The following TNRC6B variants were observed in gnomAD, a reference collection of about 807,000 sequenced individuals.
TNRC6B encodes trinucleotide repeat-containing gene 6B protein.
In TNRC6B, 52 loss-of-function variants were observed where a neutral mutation model predicts 203.6. The ratio of observed to expected loss-of-function variants is 0.26; its 90% CI spans 0.20 to 0.32. The LOEUF (loss-of-function observed/expected upper bound fraction) is 0.32. Ranked by LOEUF, TNRC6B falls within the 10% of genes least tolerant of loss-of-function variation. TNRC6B has a pLI of 1.00. For synonymous variants in TNRC6B, 838 were observed against 845.7 expected (o/e 0.99, Z 0.16); for missense variants, 1,923 against 2,286.2 (o/e 0.84, Z 3.24).
chr22:40,182,340 G>A (rs2069144572), intron 1 of TNRC6B, among the ~76,000 whole-genome samples: 1 of 152,190 alleles, frequency 6.6e-6, no homozygotes, highest in Non-Finnish European at 1.5e-5. Context: ...AGTGGAACTT[G>A]TTTCTGTCTG....
intron 1 of TNRC6B, among the ~76,000 whole-genome samples, chr22:40,046,156 G>A (rs768911020): frequency 2.6e-5 from 4 of 152,166 alleles, no homozygotes; most frequent in Non-Finnish European, 4.4e-5. Flanking sequence ...ACTAATAGAG[G>A]TTACTTCTCT....
At chr22:40,216,217 G>T (rs1386351797) in intron 1 of TNRC6B, among the ~76,000 whole-genome samples, 2 of 152,114 alleles carry the variant, frequency 1.3e-5, no homozygotes, top group Non-Finnish European at 2.9e-5. Context: ...CAGTTTAATT[G>T]TAACTTCCTG....
intron 1 of TNRC6B, among the ~76,000 whole-genome samples, chr22:40,105,255 AT>A (rs1320109677): frequency 6.6e-6 from 1 of 152,182 alleles, no homozygotes; most frequent in Non-Finnish European, 1.5e-5. Context: ...TTTTGTATTA[AT>A]TTTATTTTTG....
In TNRC6B at chr22:40,281,299, C is replaced by G; in HGVS notation, c.3582+10C>G. ...CTTCGCTGCTAGACAAGTAAGGAGG[C>G]CTCTCAAATTTATAACTGCTTGGCT... On this transcript the variant is annotated intron_variant, in intron 11 of 22. Coordinates refer to ENST00000454349, the MANE Select transcript of TNRC6B (RefSeq NM_001162501.2). The G allele has an allele frequency of 6.5e-7, 1 of 1,534,656 alleles. No homozygotes were observed. The highest frequency in any genetic ancestry group is 8.8e-7 in the Non-Finnish European group (1 of 1,138,608).
intron 1 of TNRC6B, among the ~76,000 whole-genome samples, chr22:40,210,717 T>C (rs899328473): frequency 1.3e-5 from 2 of 152,232 alleles, no homozygotes; most frequent in Non-Finnish European, 2.9e-5. Flanking sequence ...CATTCATTGA[T>C]AACCGTCTTT....
At chr22:40,319,198 A>G (rs989476116) in intron 21 of TNRC6B, among the ~76,000 whole-genome samples, 64 of 152,064 alleles carry the variant, frequency 4.2e-4, no homozygotes, top group African/African-American at 1.5e-3. Context: ...CATAGCTTAA[A>G]AGGTTATAAG....
At chr22:40,106,364 G>A in intron 1 of TNRC6B, 1 of 1,186,172 alleles carries the variant, frequency 8.4e-7, no homozygotes, top group Admixed American at 1.8e-5. Context: ...CCTTCTTGTT[G>A]CCAGCATCTC....
chr22:40,215,677 A>G (rs1269477105), intron 1 of TNRC6B, among the ~76,000 whole-genome samples: 3 of 151,992 alleles, frequency 2.0e-5, no homozygotes, highest in Non-Finnish European at 2.9e-5. Context: ...GGCAGCTCCC[A>G]CCTCTATAGT....
In TNRC6B at chr22:40,333,742, C is replaced by T. The variant is rs2044005630; in HGVS notation, c.*10501C>T. 6.6e-6 allele frequency: 1 copy of T among 152,586 alleles called. No individual in the cohort carries two copies. Among genetic ancestry groups the T allele is most frequent in the South Asian group, 2.1e-4 (1 of 4,830 alleles). 9.5% of individuals were successfully genotyped at this position (152,586 alleles called of 1,614,324 possible). A position where few individuals can be genotyped will look rare whatever the true frequency, so the allele number is the denominator to read the frequency against. On this transcript the variant is annotated 3_prime_UTR_variant, in exon 23 of 23. Coordinates refer to ENST00000454349, the MANE Select transcript of TNRC6B (RefSeq NM_001162501.2). ...TGTGCATCCTCACCTCTTCCATTAC[C>T]CCCTCCATGAGCTCGAAGCGACATT... is the stretch of plus-strand genomic sequence containing the variant.
intron 1 of TNRC6B, among the ~76,000 whole-genome samples, chr22:40,079,150 T>C (rs1027514866): frequency 6.6e-6 from 1 of 151,924 alleles, no homozygotes; most frequent in African/African-American, 2.4e-5. Flanking sequence ...TAAACTCAAA[T>C]GATCTGCCTG....
At chr22:40,141,875 C>T (rs900876877) in intron 3 of TNRC6B, among the ~76,000 whole-genome samples, 1 of 150,956 alleles carries the variant, frequency 6.6e-6, no homozygotes, top group Non-Finnish European at 1.5e-5. Context: ...CCCAGGTTCA[C>T]GCCATTCTCC....
intron 17 of TNRC6B, among the ~76,000 whole-genome samples, chr22:40,312,204 C>G (rs1486491227): frequency 6.6e-6 from 1 of 152,222 alleles, no homozygotes; most frequent in Non-Finnish European, 1.5e-5. Flanking sequence ...GTCCTTACTC[C>G]TGCTTTCCCT....
chr22:40,060,902 G>A (rs1425447128), intron 1 of TNRC6B, among the ~76,000 whole-genome samples: 1 of 152,150 alleles, frequency 6.6e-6, no homozygotes, highest in Non-Finnish European at 1.5e-5. Context: ...GCTCCCAGTA[G>A]GAAAACAGGT....
At chr22:40,148,513 A>G (rs1228246873) in intron 3 of TNRC6B, among the ~76,000 whole-genome samples, 3 of 152,002 alleles carry the variant, frequency 2.0e-5, no homozygotes, top group Non-Finnish European at 4.4e-5. Flanking sequence ...CAATCTCTTG[A>G]CCTTGTGATC....
intron 1 of TNRC6B, among the ~76,000 whole-genome samples, chr22:40,078,792 T>C (rs1455360770): frequency 2.6e-5 from 4 of 151,502 alleles, no homozygotes; most frequent in Admixed American, 1.3e-4. Flanking sequence ...AGGGTTTCTT[T>C]GCCAGGTGCG....
intron 1 of TNRC6B, among the ~76,000 whole-genome samples, chr22:40,207,343 G>A (rs947190354): frequency 1.1e-4 from 17 of 150,200 alleles, no homozygotes; most frequent in Non-Finnish European, 1.6e-4. Flanking sequence ...AGAAGTTCGT[G>A]GGCACCTCTA....
At chr22:40,246,313 CT>C in intron 2 of TNRC6B, 1 of 320,422 alleles carries the variant, frequency 3.1e-6, no homozygotes. Flanking sequence ...TCTCAGCCTC[CT>C]GAGTAGCTGG....
rs1403666845 is a variant in TNRC6B, at chr22:40,228,665, G to A, written c.6-17350G>A. Among the ~76,000 whole-genome samples the A allele has an allele frequency of 3.3e-5, 5 of 150,782 alleles. No homozygotes were observed. In the East Asian group the frequency reaches 1.0e-3, roughly 30 times the overall value. On this transcript the variant is annotated intron_variant, in intron 1 of 22. Coordinates refer to ENST00000454349, the MANE Select transcript of TNRC6B (RefSeq NM_001162501.2). ...CTCCCGAGTAGCTGGGACTACAGGA[G>A]CCCGCCACCATGCCTGGCTAATTTT...
chr22:40,186,384 C>T (rs959056966), intron 1 of TNRC6B, among the ~76,000 whole-genome samples: 12 of 151,912 alleles, frequency 7.9e-5, no homozygotes, highest in East Asian at 3.9e-4. Context: ...GCGCCAGCAC[C>T]GCCCAGTAGG....
Sources: allele counts gnomAD v4.1 joint callset (sites outside exome capture counted in the v4.1 genomes callset), GRCh38; gene constraint gnomAD v4.1.1; transcripts MANE v1.5; gene names NCBI Gene and HGNC (gene_info 2026-07-23, HGNC 2026-07-21).